The following HERC3 variants were observed in gnomAD, a reference collection of about 807,000 sequenced individuals.
HERC3 encodes HECT and RLD domain containing E3 ubiquitin protein ligase 3.
In HERC3, 58 loss-of-function variants were observed where a neutral mutation model predicts 129.9. The observed-to-expected ratio is 0.45, with a 90% CI of 0.36 to 0.56. HERC3 has a LOEUF of 0.56. HERC3 is among the 20% of genes least tolerant of loss of function. The probability of loss-of-function intolerance (pLI) is 0.00; values close to 1 mark genes in which losing one functional copy is unlikely to be tolerated. For synonymous variants in HERC3, 430 were observed against 451.0 expected (o/e 0.95, Z 0.59); for missense variants, 835 against 1,244.2 (o/e 0.67, Z 4.95).
At chr4:88,557,040 C>T in the HERC3 span, among the ~76,000 whole-genome samples, 6 of 152,170 alleles carry the variant, frequency 3.9e-5, no homozygotes, top group Non-Finnish European at 1.5e-5. Context: ...CTCCCCCTTC[C>T]TCCATCTATC....
the HERC3 span, among the ~76,000 whole-genome samples, chr4:88,541,290 C>A: frequency 6.6e-6 from 1 of 151,916 alleles, no homozygotes; most frequent in Non-Finnish European, 1.5e-5. Context: ...GAGGTTGCAA[C>A]CCTAGTCTCG....
At chr4:88,703,128 G>A (rs1418463848) in intron 23 of HERC3, among the ~76,000 whole-genome samples, 1 of 152,040 alleles carries the variant, frequency 6.6e-6, no homozygotes, top group Non-Finnish European at 1.5e-5. Context: ...TCCAACTTAG[G>A]GCCAACCAGA....
the HERC3 span, among the ~76,000 whole-genome samples, chr4:88,555,116 T>C: frequency 1.3e-5 from 2 of 152,046 alleles, no homozygotes. Flanking sequence ...AAACCCTGTC[T>C]GTACTAAAAA....
At chr4:88,590,499 C>T (rs949087026), upstream of HERC3, among the ~76,000 whole-genome samples, 1 of 152,166 alleles carries the variant, frequency 6.6e-6, no homozygotes, top group African/African-American at 2.4e-5. Context: ...GCGCAGCTTG[C>T]AGGGAGCCGA....
At chr4:88,636,611 G>A (rs1273524266) in intron 3 of HERC3, among the ~76,000 whole-genome samples, 2 of 152,136 alleles carry the variant, frequency 1.3e-5, no homozygotes, top group Non-Finnish European at 2.9e-5. Context: ...AGGATATTCA[G>A]GACTTGAACT....
intron 2 of HERC3, among the ~76,000 whole-genome samples, chr4:88,603,101 C>T (rs1297148711): frequency 6.6e-6 from 1 of 151,976 alleles, no homozygotes; most frequent in African/African-American, 2.4e-5. Context: ...TGTTAGACAC[C>T]ACTGTTCTCA....
At chr4:88,659,123 C>T (rs1482594078) in intron 10 of HERC3, among the ~76,000 whole-genome samples, 1 of 152,192 alleles carries the variant, frequency 6.6e-6, no homozygotes, top group Non-Finnish European at 1.5e-5. Flanking sequence ...AAAAACTCCA[C>T]AGATTTGTTG....
chr4:88,657,146 A>G (rs775533443), intron 9 of HERC3: 1 of 152,160 alleles, frequency 6.6e-6, no homozygotes, highest in South Asian at 2.1e-4. Context: ...AGGAAGTGTA[A>G]CTTATTAATT....
At chr4:88,571,654 G>A in the HERC3 span, among the ~76,000 whole-genome samples, 5 of 152,100 alleles carry the variant, frequency 3.3e-5, no homozygotes, top group Non-Finnish European at 7.4e-5. Context: ...ATAGGCCTTT[G>A]ACGTCCTTAG....
chr4:88,574,678 T>C, the HERC3 span, among the ~76,000 whole-genome samples: 1 of 152,236 alleles, frequency 6.6e-6, no homozygotes, highest in African/African-American at 2.4e-5. Context: ...ACAATATTTA[T>C]CTTTTTGTGA....
intron 23 of HERC3, among the ~76,000 whole-genome samples, chr4:88,700,985 T>C (rs1414702223): frequency 6.6e-6 from 1 of 152,106 alleles, no homozygotes; most frequent in Non-Finnish European, 1.5e-5. Context: ...TCATCCCAAC[T>C]AAAAAAATAT....
chr4:88,704,411 C>T, intron 24 of HERC3, 97 bp from the exon 25 acceptor site: 1 of 1,195,804 alleles, frequency 8.4e-7, no homozygotes, highest in South Asian at 1.3e-5. Context: ...TCCTGTATCT[C>T]AGCACTTATT....
intron 3 of HERC3, among the ~76,000 whole-genome samples, chr4:88,613,466 A>G (rs1228761799): frequency 1.3e-5 from 2 of 152,240 alleles, no homozygotes; most frequent in Non-Finnish European, 1.5e-5. Context: ...AGGTTTATAA[A>G]GCAGAACGTC....
At chr4:88,675,855 A>C (rs1046786026) in intron 16 of HERC3, among the ~76,000 whole-genome samples, 1 of 151,990 alleles carries the variant, frequency 6.6e-6, no homozygotes, top group Non-Finnish European at 1.5e-5. Flanking sequence ...ATAAAATCTA[A>C]TTTGTATTGT....
the HERC3 span, among the ~76,000 whole-genome samples, chr4:88,540,203 G>C: frequency 6.6e-6 from 1 of 152,290 alleles, no homozygotes; most frequent in South Asian, 2.1e-4. Flanking sequence ...AAAAAGGTTA[G>C]ACGAATGGCT....
At chr4:88,601,764 G>A (rs926749365) in intron 2 of HERC3, among the ~76,000 whole-genome samples, 2 of 131,536 alleles carry the variant, frequency 1.5e-5, no homozygotes, top group African/African-American at 8.5e-5. Context: ...GATTAGAAAA[G>A]GATATTCAGG....
At chr4:88,677,221 A>G (rs908607173) in intron 18 of HERC3, among the ~76,000 whole-genome samples, 13 of 152,202 alleles carry the variant, frequency 8.5e-5, no homozygotes, top group Admixed American at 1.3e-4. Context: ...GTGGGGCCTC[A>G]GTTTGCTGAC....
At chr4:88,569,726 G>A in the HERC3 span, among the ~76,000 whole-genome samples, 1 of 152,210 alleles carries the variant, frequency 6.6e-6, no homozygotes, top group Non-Finnish European at 1.5e-5. Context: ...TCCAGGTCAT[G>A]CATATCAGCT....
At position 88,649,847 on chromosome 4, in the gene HERC3, T is replaced by C; in HGVS notation, c.234T>C (p.Ile78=). The change falls in exon 4 of 26, where the codon ATT becomes ATC. Residue 78 remains isoleucine (I), a synonymous_variant. Transcript: ENST00000402738. The stretch of plus-strand genomic sequence containing the variant: ...CCAATTTGTCTCTTTCAGAACAAAT[T>C]GGAGCTCTGGCAGATCAGCATATCA... ...HEREGNKPEQ[I]GALADQHIIH... 4 of 1,613,622 alleles carry C rather than the reference T, an allele frequency of 2.5e-6. No individual in the cohort carries two copies. Among genetic ancestry groups the C allele is most frequent in the Non-Finnish European group, 3.4e-6 (4 of 1,179,684 alleles).
Sources: allele counts gnomAD v4.1 joint callset (sites outside exome capture counted in the v4.1 genomes callset), GRCh38; gene constraint gnomAD v4.1.1; transcripts MANE v1.5; gene names NCBI Gene and HGNC (gene_info 2026-07-23, HGNC 2026-07-21).